Variants in FAF1 observed in about 807,000 individuals in gnomAD.
FAF1 encodes the protein FAS-associated factor 1.
Under a neutral mutation model 92.5 loss-of-function variants are expected in FAF1, and 25 were observed. The observed-to-expected ratio is 0.27, with a 90% CI of 0.20 to 0.38. The LOEUF (loss-of-function observed/expected upper bound fraction) is 0.38, where lower values mean the gene tolerates loss of function less well. FAF1 is among the 10% of genes least tolerant of loss of function. FAF1 has a pLI of 1.00. For synonymous variants in FAF1, 234 were observed against 273.2 expected, an observed-to-expected ratio of 0.86 and a Z score of 1.42; for missense variants, 636 against 793.3, an observed-to-expected ratio of 0.80 and a Z score of 2.38.
chr1:50,913,688 GA>G (rs888822461), intron 1 of FAF1, among the ~76,000 whole-genome samples: 1 of 152,032 alleles, frequency 6.6e-6, no homozygotes, highest in Non-Finnish European at 1.5e-5. Context: ...TATATTGGGG[GA>G]AAAAATGAGA....
intron 4 of FAF1, among the ~76,000 whole-genome samples, chr1:50,778,513 T>C (rs1489921081): frequency 1.3e-5 from 2 of 152,180 alleles, no homozygotes; most frequent in Non-Finnish European, 2.9e-5. Flanking sequence ...CATAAACCAC[T>C]GATTAACAAA....
Position 50,702,755 on chromosome 1 carries a change from A to C in FAF1, c.657+3031T>G, listed in dbSNP as rs576298179. 8.5e-5 allele frequency among the ~76,000 whole-genome samples: 13 copies of C among 152,244 alleles called. No homozygotes were observed. The South Asian group carries it at 2.7e-3, about 32-fold the overall frequency. On this transcript the variant is annotated intron_variant, in intron 7 of 18. Coordinates refer to ENST00000396153, the MANE Select transcript of FAF1 (RefSeq NM_007051.3). ...GCAGACCACAAAGCCAGAATGAACA[A>C]ACACTTGTACAACTCTTGGTTTATC...
chr1:50,901,458 G>A (rs1644795471), intron 1 of FAF1, among the ~76,000 whole-genome samples: 1 of 152,064 alleles, frequency 6.6e-6, no homozygotes, highest in African/African-American at 2.4e-5. Flanking sequence ...CACTTTGGGA[G>A]GCCAAGGTGG....
chr1:50,540,667 C>T (rs993709212), intron 13 of FAF1, among the ~76,000 whole-genome samples: 1 of 152,114 alleles, frequency 6.6e-6, no homozygotes, highest in African/African-American at 2.4e-5. Flanking sequence ...TTGAAATTAG[C>T]ATTTCTTTCA....
At chr1:50,632,001 A>T (rs1026285797) in intron 8 of FAF1, among the ~76,000 whole-genome samples, 10 of 152,210 alleles carry the variant, frequency 6.6e-5, no homozygotes, top group Admixed American at 3.9e-4. Context: ...GTACATGTAT[A>T]TGAAAAAACA....
chr1:50,729,020 ATCTATCTATCTATC>A (rs1402972388), intron 6 of FAF1, among the ~76,000 whole-genome samples: 4 of 75,550 alleles, frequency 5.3e-5, no homozygotes, highest in East Asian at 4.7e-4. Flanking sequence ...CTATCTATCT[ATCTATCTATCTATC>A]TATATATATA....
At chr1:50,702,889 T>C (rs1371689168) in intron 7 of FAF1, among the ~76,000 whole-genome samples, 1 of 152,150 alleles carries the variant, frequency 6.6e-6, no homozygotes, top group Non-Finnish European at 1.5e-5. Flanking sequence ...TACTTTGTTC[T>C]AATTAAAAGT....
At chr1:50,929,749 G>A (rs190514208) in intron 1 of FAF1, among the ~76,000 whole-genome samples, 37 of 152,278 alleles carry the variant, frequency 2.4e-4, no homozygotes, top group African/African-American at 7.2e-4. Flanking sequence ...CTGCCCCCAC[G>A]ATTCACAATT....
At chr1:50,532,900 C>G (rs1648256512) in intron 15 of FAF1, among the ~76,000 whole-genome samples, 1 of 152,172 alleles carries the variant, frequency 6.6e-6, no homozygotes, top group South Asian at 2.1e-4. Flanking sequence ...CAGCCTTCAA[C>G]TCGTGGGCTC....
At chr1:50,795,327 A>G (rs72902767) in intron 3 of FAF1, among the ~76,000 whole-genome samples, 10,122 of 152,338 alleles carry the variant, frequency 0.066, 416 homozygotes, top group East Asian at 0.094. Flanking sequence ...CTTGCCTGAC[A>G]GCAATGCATC....
At chr1:50,498,555 C>A (rs990112709) in intron 15 of FAF1, among the ~76,000 whole-genome samples, 27 of 151,972 alleles carry the variant, frequency 1.8e-4, no homozygotes, top group African/African-American at 5.6e-4. Context: ...AGAAACTAAA[C>A]AAGCTAATTA....
intron 1 of FAF1, among the ~76,000 whole-genome samples, chr1:50,921,352 GACACC>G (rs1644961512): frequency 6.6e-6 from 1 of 152,210 alleles, no homozygotes; most frequent in South Asian, 2.1e-4. Flanking sequence ...GAATCAGCTT[GACACC>G]TCCTGCCTGT....
intron 5 of FAF1, among the ~76,000 whole-genome samples, chr1:50,742,841 A>C (rs973254756): frequency 1.3e-5 from 2 of 152,244 alleles, no homozygotes; most frequent in Non-Finnish European, 2.9e-5. Context: ...GGGGGATAGC[A>C]AACTATGGCC....
intron 15 of FAF1, among the ~76,000 whole-genome samples, chr1:50,519,629 T>G (rs1194224365): frequency 6.6e-6 from 1 of 152,186 alleles, no homozygotes; most frequent in East Asian, 1.9e-4. Flanking sequence ...TAATAGGAAA[T>G]GAGAAGTATG....
At chr1:50,829,751 T>G (rs1387176574) in intron 2 of FAF1, among the ~76,000 whole-genome samples, 1 of 152,242 alleles carries the variant, frequency 6.6e-6, no homozygotes, top group Non-Finnish European at 1.5e-5. Context: ...ACAGCTGACA[T>G]TATATCCTGT....
intron 1 of FAF1, among the ~76,000 whole-genome samples, chr1:50,893,405 C>T (rs1644734482): frequency 6.6e-6 from 1 of 152,200 alleles, no homozygotes; most frequent in Non-Finnish European, 1.5e-5. Flanking sequence ...CACCCCAAGC[C>T]CAGTAACACT....
intron 15 of FAF1, among the ~76,000 whole-genome samples, chr1:50,533,640 AAGGAT>A (rs761906203): frequency 1.3e-5 from 2 of 152,176 alleles, no homozygotes; most frequent in Non-Finnish European, 2.9e-5. Flanking sequence ...GCAATACCTA[AAGGAT>A]AGTCTATTAA....
In FAF1 at chr1:50,787,946, G is replaced by A. The variant is rs374548408; in HGVS notation, c.367+54C>T. On this transcript the variant is annotated intron_variant, in intron 4 of 18. Coordinates refer to ENST00000396153, the MANE Select transcript of FAF1 (RefSeq NM_007051.3). ...ACTAGAAATAAAAAAAATATAACCTGAATGTTTACCTAATTATTTATTTGT... is the reference window on the plus strand; with the variant it reads ...ACTAGAAATAAAAAAAATATAACCTAAATGTTTACCTAATTATTTATTTGT... 2.7e-6 allele frequency: 4 copies of A among 1,477,114 alleles called. No homozygotes were observed. In the Admixed American group the frequency reaches 6.8e-5, roughly 25 times the overall value. The allele number at this position is 1,477,114 out of a possible 1,614,324, so 91.5% of individuals were successfully genotyped here.
At chr1:50,914,270 A>T (rs1340267612) in intron 1 of FAF1, among the ~76,000 whole-genome samples, 1 of 152,226 alleles carries the variant, frequency 6.6e-6, no homozygotes, top group African/African-American at 2.4e-5. Context: ...CATCAAATAC[A>T]CCAAAGAGGA....
Sources: gnomAD v4.1 joint callset for allele counts (sites outside exome capture counted in the v4.1 genomes callset) on GRCh38, gnomAD v4.1.1 for gene constraint, MANE v1.5 for transcripts, NCBI Gene and HGNC (gene_info 2026-07-23, HGNC 2026-07-21) for gene names.